EMID1: variants seen among roughly 807,000 people sequenced by gnomAD.
The protein encoded by EMID1 is EMI domain containing 1, also known as EMI domain-containing protein 1.
EMID1 carries 40 observed loss-of-function variants against 60.6 expected under a neutral mutation model. That is an observed-to-expected ratio of 0.66 (90% CI 0.51 to 0.86). EMID1 has a LOEUF of 0.86. Among genes scored for constraint, EMID1 ranks in the 40% least tolerant of loss-of-function variants. EMID1 has a pLI of 0.00. For synonymous variants in EMID1, 242 were observed against 231.0 expected (o/e 1.05, Z -0.43); for missense variants, 585 against 597.1 (o/e 0.98, Z 0.21).
chr22:29,243,149 G>A (rs987573888), intron 12 of EMID1, among the ~76,000 whole-genome samples: 3 of 150,922 alleles, frequency 2.0e-5, no homozygotes, highest in African/African-American at 7.3e-5. Flanking sequence ...TTGAGCTCTT[G>A]TTTTGCCAGG....
chr22:29,245,579 G>A (rs559872276), intron 13 of EMID1, among the ~76,000 whole-genome samples: 7 of 152,334 alleles, frequency 4.6e-5, no homozygotes, highest in South Asian at 4.1e-4. Flanking sequence ...TTGGGGGCTG[G>A]GGGAACAGCT....
At chr22:29,252,797 G>C (rs1353890583) in intron 13 of EMID1, among the ~76,000 whole-genome samples, 2 of 152,144 alleles carry the variant, frequency 1.3e-5, no homozygotes, top group African/African-American at 4.8e-5. Flanking sequence ...AAGAGGAGAG[G>C]GCTGGGCTGA....
At chr22:29,245,251 C>T (rs1327912802) in intron 13 of EMID1, among the ~76,000 whole-genome samples, 1 of 152,124 alleles carries the variant, frequency 6.6e-6, no homozygotes, top group Non-Finnish European at 1.5e-5. Flanking sequence ...TCAGATAGAC[C>T]CATGCAAGCC....
At position 29,231,693 on chromosome 22, in the gene EMID1, G is replaced by A. The variant is rs555724508; in HGVS notation, c.676+11G>A. The stretch of plus-strand genomic sequence containing the variant: ...TGAGAGGCCCACCAGGTGAGTGCCC[G>A]CAATGCTGCCCCACAGCTCCTCTGG... On this transcript the variant is annotated intron_variant, in intron 7 of 14. Coordinates refer to ENST00000334018, the MANE Select transcript of EMID1 (RefSeq NM_133455.4). 8 of 1,449,672 alleles carry A rather than the reference G, an allele frequency of 5.5e-6. No individual in the cohort carries two copies. Among genetic ancestry groups the A allele is most frequent in the Admixed American group, 5.3e-5 (2 of 37,722 alleles). 89.8% of individuals were successfully genotyped at this position (1,449,672 alleles called of 1,614,324 possible).
At chr22:29,257,157 T>C (rs1331774116) in intron 14 of EMID1, among the ~76,000 whole-genome samples, 1 of 152,054 alleles carries the variant, frequency 6.6e-6, no homozygotes, top group Admixed American at 6.5e-5. Context: ...CCACACCCAC[T>C]GCCAGTGGCC....
intron 14 of EMID1, among the ~76,000 whole-genome samples, chr22:29,256,101 C>T (rs2041696278): frequency 6.6e-6 from 1 of 152,120 alleles, no homozygotes; most frequent in Non-Finnish European, 1.5e-5. Context: ...CTCACCTGCC[C>T]AGCCGCCCTA....
chr22:29,249,114 C>T (rs949975591), intron 13 of EMID1, among the ~76,000 whole-genome samples: 5 of 152,316 alleles, frequency 3.3e-5, no homozygotes, highest in African/African-American at 1.2e-4. Flanking sequence ...TATGGACATT[C>T]TCCCACATTA....
At chr22:29,254,400 C>T in intron 14 of EMID1, 113 bp downstream of exon 14, 1 of 1,015,340 alleles carries the variant, frequency 9.8e-7, no homozygotes, top group Admixed American at 1.8e-5. Context: ...GAGAAGGTGC[C>T]TGCCCCAGGC....
At chr22:29,220,839 C>G (rs967445598) in intron 3 of EMID1, among the ~76,000 whole-genome samples, 1 of 152,106 alleles carries the variant, frequency 6.6e-6, no homozygotes, top group African/African-American at 2.4e-5. Flanking sequence ...TTAGCTCAGG[C>G]CTGGCACTGG....
chr22:29,218,174 C>T (rs2040155679), intron 3 of EMID1, among the ~76,000 whole-genome samples: 1 of 152,270 alleles, frequency 6.6e-6, no homozygotes, highest in Non-Finnish European at 1.5e-5. Flanking sequence ...CCCCCACCGC[C>T]TACCCCATGC....
At position 29,258,864 on chromosome 22, in the gene EMID1, A is replaced by C; in HGVS notation, c.1252A>C (p.Ser418Arg). 2 of 1,613,076 alleles carry C rather than the reference A, an allele frequency of 1.2e-6. No individual in the cohort carries two copies. Among genetic ancestry groups the C allele is most frequent in the Non-Finnish European group, 8.5e-7 (1 of 1,179,740 alleles). The change falls in exon 15 of 15, where the codon AGC (serine) becomes CGC (arginine). Residue 418 changes from serine to arginine, a missense_variant. By Grantham distance (110) the Ser-to-Arg change is moderately radical (BLOSUM62 -1). Coordinates refer to ENST00000334018, the MANE Select transcript of EMID1 (RefSeq NM_133455.4). ...GGGCCCTGCCGGCACAGGCACCCCC[A>C]GCCTCCTTCGGGGCAAGAGGGGCGG... ...GAGPAGTGTP[S>R]LLRGKRGGHA...
chr22:29,255,186 G>GGCCCCCCCCCCC, intron 14 of EMID1: 1 of 425,448 alleles, frequency 2.4e-6, no homozygotes, highest in Non-Finnish European at 4.5e-6. Context: ...AGCTGGCAGT[G>GGCCCCCCCCCCC]CCCTCCCACC....
In EMID1 at chr22:29,225,073, A is replaced by G. The variant is rs1251384395; in HGVS notation, c.320-60A>G. 12 of 1,540,102 alleles carry G rather than the reference A, an allele frequency of 7.8e-6. No homozygotes were observed. In the Admixed American group the frequency reaches 1.2e-4, roughly 15 times the overall value. ...CCCTGCTGGGGCTACAGTGGTGGGCAGGGGGGCCTGAGGAGGCAAGGATCA... is the reference window on the plus strand; with the variant it reads ...CCCTGCTGGGGCTACAGTGGTGGGCGGGGGGGCCTGAGGAGGCAAGGATCA... On this transcript the variant is annotated intron_variant, in intron 3 of 14. Coordinates refer to ENST00000334018, the MANE Select transcript of EMID1 (RefSeq NM_133455.4).
At chr22:29,248,756 G>A (rs544107571) in intron 13 of EMID1, among the ~76,000 whole-genome samples, 7 of 152,112 alleles carry the variant, frequency 4.6e-5, no homozygotes, top group Non-Finnish European at 8.8e-5. Context: ...TGGGAGGATC[G>A]CTTGAGCCGG....
rs765777026 is a variant in EMID1 at position 29,243,472 on chromosome 22, G to A, written c.1102G>A (p.Gly368Ser). The part of the protein sequence containing the change: ...RGEPGPKGDP[G>S]EKSHWGEGLH... ...GGAACCTGGCCCTAAGGGAGACCCT[G>A]GTGAGAAGAGCCACTGGGTAAGCTC... The change falls in exon 13 of 15, where the codon GGT (glycine) becomes AGT (serine). Residue 368 changes from glycine to serine, a missense_variant. Physicochemically the swap from Gly to Ser is moderately conservative, Grantham distance 56. Coordinates refer to ENST00000334018, the MANE Select transcript of EMID1 (RefSeq NM_133455.4). 1.2e-6 allele frequency: 2 copies of A among 1,614,106 alleles called. No homozygotes were observed. The highest frequency in any genetic ancestry group is 1.7e-6 in the Non-Finnish European group (2 of 1,180,014).
chr22:29,216,728 G>A, intron 3 of EMID1: 1 of 919,216 alleles, frequency 1.1e-6, no homozygotes, highest in South Asian at 5.0e-5. Flanking sequence ...GAGGTGGAGT[G>A]GAGTGCCCAG....
chr22:29,245,479 C>A (rs77557927), intron 13 of EMID1, among the ~76,000 whole-genome samples: 8,446 of 152,252 alleles, frequency 0.055, 343 homozygotes, highest in Non-Finnish European at 0.075. Context: ...CCTGCCCACC[C>A]ACCTTCCTGC....
At chr22:29,212,801 G>T (rs1294309285) in intron 1 of EMID1, among the ~76,000 whole-genome samples, 1 of 152,172 alleles carries the variant, frequency 6.6e-6, no homozygotes, top group Non-Finnish European at 1.5e-5. Context: ...CTGACCTCAC[G>T]TGATCCACCC....
At chr22:29,215,350 G>A in intron 2 of EMID1, 177 bp from the exon 3 acceptor site, 4 of 924,480 alleles carry the variant, frequency 4.3e-6, no homozygotes, top group Non-Finnish European at 5.2e-6. Context: ...AATCCCTGTG[G>A]CAAGGTGGTG....
Sources: allele counts gnomAD v4.1 joint callset (sites outside exome capture counted in the v4.1 genomes callset), GRCh38; gene constraint gnomAD v4.1.1; transcripts MANE v1.5; gene names NCBI Gene and HGNC (gene_info 2026-07-23, HGNC 2026-07-21).